Variants in OTOGL observed in about 807,000 individuals in gnomAD.
OTOGL encodes otogelin like, also known as otogelin-like protein.
In OTOGL, 285 loss-of-function variants were observed where a neutral mutation model predicts 318.5. The ratio of observed to expected loss-of-function variants is 0.89; its 90% confidence interval spans 0.81 to 0.99. The LOEUF is 0.99. Among genes scored for constraint, OTOGL ranks in the 50% least tolerant of loss-of-function variants. The pLI, the probability that OTOGL is intolerant of heterozygous loss-of-function variation, is 0.00. For synonymous variants in OTOGL, 987 were observed against 936.5 expected (o/e 1.05, Z -0.99); for missense variants, 2,899 against 2,845.6 (o/e 1.02, Z -0.43).
At position 80,354,924 on chromosome 12, in the gene OTOGL, C is replaced by T. The variant is rs1889774601; in HGVS notation, c.5594-812C>T. Among the ~76,000 whole-genome samples the T allele has an allele frequency of 2.0e-5, 3 of 151,896 alleles. No homozygotes were observed. The South Asian group carries it at 6.2e-4, about 32-fold the overall frequency. ...ACTACATAATATTTTGCCTGATTGC[C>T]TACTTTTTACTTTTAGATTTTAAAG... On this transcript the variant is annotated intron_variant, in intron 46 of 58. Coordinates refer to ENST00000547103, the MANE Select transcript of OTOGL (RefSeq NM_001378609.3).
Position 80,300,579 on chromosome 12 carries a change from C to T in OTOGL, c.3064-2055C>T, listed in dbSNP as rs151153717. Among the ~76,000 whole-genome samples the T allele has an allele frequency of 6.5e-3, 988 of 152,134 alleles. 11 individuals carry two copies. Among genetic ancestry groups the T allele is most frequent in the African/African-American group, 0.022 (908 of 41,496 alleles). On this transcript the variant is annotated intron_variant, in intron 27 of 58. Transcript: ENST00000547103. ...GATGGCAATTACAGAGCATTAAACC[C>T]CAAGAGGGGGCCCACTTCTGAGCAA...
intron 1 of OTOGL, among the ~76,000 whole-genome samples, chr12:80,160,121 T>A (rs1303213227): frequency 6.6e-6 from 1 of 152,110 alleles, no homozygotes; most frequent in Non-Finnish European, 1.5e-5. Context: ...GACTTAAATC[T>A]AAGACCTGAA....
intron 1 of OTOGL, among the ~76,000 whole-genome samples, chr12:80,122,399 A>G (rs1001400988): frequency 2.8e-4 from 42 of 152,300 alleles, no homozygotes; most frequent in African/African-American, 9.9e-4. Context: ...GTGCTATGGC[A>G]AAAAGAAAAT....
intron 4 of OTOGL, among the ~76,000 whole-genome samples, chr12:80,214,752 C>A (rs1295274012): frequency 6.6e-6 from 1 of 152,024 alleles, no homozygotes. Context: ...CCATCTGTTA[C>A]GGAGGTAGGC....
intron 7 of OTOGL, among the ~76,000 whole-genome samples, chr12:80,224,906 G>T (rs777538019): frequency 2.6e-5 from 4 of 151,970 alleles, no homozygotes; most frequent in Non-Finnish European, 5.9e-5. Flanking sequence ...TAATTGGATT[G>T]TTTGTAACAC....
At chr12:80,161,199 C>G (rs188000372) in intron 1 of OTOGL, among the ~76,000 whole-genome samples, 1 of 151,752 alleles carries the variant, frequency 6.6e-6, no homozygotes, top group Non-Finnish European at 1.5e-5. Context: ...GTCATGTAAC[C>G]AAATGCCACT....
intron 18 of OTOGL, among the ~76,000 whole-genome samples, chr12:80,261,100 G>A (rs1882488803): frequency 6.6e-6 from 1 of 152,110 alleles, no homozygotes; most frequent in Admixed American, 6.5e-5. Context: ...ACTCTGCTGA[G>A]CAGCTCCAGT....
At chr12:80,112,494 G>C (rs1453961583) in intron 1 of OTOGL, among the ~76,000 whole-genome samples, 1 of 152,052 alleles carries the variant, frequency 6.6e-6, no homozygotes, top group African/African-American at 2.4e-5. Flanking sequence ...TGCATCTATC[G>C]AGATAATCAT....
intron 23 of OTOGL, 145 bp from the exon 24 acceptor site, chr12:80,271,503 A>T: frequency 3.1e-6 from 2 of 646,382 alleles, no homozygotes; most frequent in African/African-American, 1.9e-5. Context: ...ATTATATTCT[A>T]GTTAGTTACT....
At chr12:80,103,429 T>C (rs1869264726) in intron 1 of OTOGL, 1 of 636,626 alleles carries the variant, frequency 1.6e-6, no homozygotes, top group Admixed American at 2.7e-5. Context: ...GCTGTCCCTA[T>C]GCCAGAATGT....
intron 1 of OTOGL, among the ~76,000 whole-genome samples, chr12:80,108,033 A>T (rs1869560052): frequency 6.6e-6 from 1 of 152,106 alleles, no homozygotes; most frequent in Non-Finnish European, 1.5e-5. Context: ...TGATCTGTAC[A>T]CCAAACCCCA....
At chr12:80,318,094 C>T (rs1041631729) in intron 32 of OTOGL, among the ~76,000 whole-genome samples, 2 of 152,072 alleles carry the variant, frequency 1.3e-5, no homozygotes, top group East Asian at 3.8e-4. Flanking sequence ...TTCCCCTTTC[C>T]TAATTGGAAG....
intron 1 of OTOGL, among the ~76,000 whole-genome samples, chr12:80,133,292 A>T (rs1460485280): frequency 6.6e-6 from 1 of 152,106 alleles, no homozygotes; most frequent in East Asian, 1.9e-4. Flanking sequence ...TGGGATTGAA[A>T]GTGTCTTCTA....
chr12:80,231,780 A>C (rs949327285), intron 8 of OTOGL, among the ~76,000 whole-genome samples: 2 of 150,670 alleles, frequency 1.3e-5, no homozygotes, highest in Non-Finnish European at 3.0e-5. Context: ...GACTACAGGC[A>C]CGTGCACCAT....
At chr12:80,116,634 A>T (rs1870183882) in intron 1 of OTOGL, among the ~76,000 whole-genome samples, 1 of 152,182 alleles carries the variant, frequency 6.6e-6, no homozygotes, top group African/African-American at 2.4e-5. Context: ...GCAAAAGCTT[A>T]GATGAAATTT....
intron 13 of OTOGL, among the ~76,000 whole-genome samples, chr12:80,253,104 G>A (rs1881717768): frequency 6.6e-6 from 1 of 152,144 alleles, no homozygotes; most frequent in Admixed American, 6.6e-5. Context: ...GTGTGACAGT[G>A]TAAATCTTTC....
chr12:80,326,616 A>C (rs1416079175), intron 35 of OTOGL, among the ~76,000 whole-genome samples: 1 of 152,220 alleles, frequency 6.6e-6, no homozygotes, highest in Non-Finnish European at 1.5e-5. Context: ...GTGATCCAGT[A>C]ACTTTCCTTT....
chr12:80,178,061 C>CTTTTTTTTTTTTTT (rs71094968), intron 1 of OTOGL, among the ~76,000 whole-genome samples: 1 of 74,920 alleles, frequency 1.3e-5, no homozygotes, highest in African/African-American at 4.7e-5. Flanking sequence ...TTCTTTCTTT[C>CTTTTTTTTTTTTTT]TTTTTTTTTT....
intron 9 of OTOGL, among the ~76,000 whole-genome samples, chr12:80,233,668 A>G (rs887286803): frequency 2.0e-5 from 3 of 152,210 alleles, no homozygotes; most frequent in Non-Finnish European, 2.9e-5. Flanking sequence ...GTTATAAGAA[A>G]TAGGTTTTGT....
Sources: gnomAD v4.1 joint callset for allele counts (sites outside exome capture counted in the v4.1 genomes callset) on GRCh38, gnomAD v4.1.1 for gene constraint, MANE v1.5 for transcripts, NCBI Gene and HGNC (gene_info 2026-07-23, HGNC 2026-07-21) for gene names.